CDC42BPA: variants seen among roughly 807,000 people sequenced by gnomAD.
CDC42BPA encodes serine/threonine-protein kinase MRCK alpha.
Under a neutral mutation model 223.5 loss-of-function variants are expected in CDC42BPA, and 80 were observed. That is an observed-to-expected ratio of 0.36 (90% CI 0.30 to 0.43). CDC42BPA has a LOEUF of 0.43. Ranked by LOEUF, CDC42BPA falls within the 20% of genes least tolerant of loss-of-function variation. CDC42BPA has a pLI of 1.00. For synonymous variants in CDC42BPA, 694 were observed against 718.6 expected (o/e 0.97, Z 0.55); for missense variants, 1,743 against 2,099.9 (o/e 0.83, Z 3.32).
At position 227,063,068 on chromosome 1, in the gene CDC42BPA, T is replaced by G. The variant is rs191459090; in HGVS notation, c.2904+6709A>C. Among the ~76,000 whole-genome samples the G allele has an allele frequency of 2.8e-3, 432 of 152,266 alleles. 3 individuals are homozygous for G. The highest frequency in any genetic ancestry group is 4.1e-3 in the Non-Finnish European group (277 of 67,998). On this transcript the variant is annotated intron_variant, in intron 21 of 36. Transcript: ENST00000366766. The stretch of plus-strand genomic sequence containing the variant: ...ACAGCAATGATTTCTTACCAAAGTG[T>G]TTACTTAGAAATTGTCTAATTTTTA...
At chr1:227,294,243 G>A (rs796616819) in intron 1 of CDC42BPA, among the ~76,000 whole-genome samples, 2 of 151,848 alleles carry the variant, frequency 1.3e-5, no homozygotes, top group South Asian at 4.2e-4. Flanking sequence ...CTGCACTCCA[G>A]CCTGGGCGAC....
chr1:227,052,054 A>T, intron 21 of CDC42BPA, 69 bp from the exon 22 acceptor site: 1 of 862,248 alleles, frequency 1.2e-6, no homozygotes, highest in Non-Finnish European at 1.8e-6. Context: ...GGCTTAGCAA[A>T]TTTCTGTAAG....
intron 2 of CDC42BPA, among the ~76,000 whole-genome samples, chr1:227,244,495 G>GGA (rs1015986126): frequency 5.3e-5 from 2 of 37,418 alleles, no homozygotes; most frequent in Admixed American, 1.7e-4. Flanking sequence ...TTCACATGGT[G>GGA]GGGGGGGGCA....
intron 15 of CDC42BPA, among the ~76,000 whole-genome samples, chr1:227,094,658 A>G (rs1045906524): frequency 3.9e-5 from 6 of 152,176 alleles, no homozygotes; most frequent in Non-Finnish European, 7.3e-5. Context: ...AGGTGGGTAA[A>G]TAAAAAATTA....
At chr1:227,069,661 G>C in intron 21 of CDC42BPA, 116 bp downstream of exon 21, 5 of 640,402 alleles carry the variant, frequency 7.8e-6, no homozygotes, top group South Asian at 6.7e-5. Flanking sequence ...GTTTATTTAA[G>C]ATTCTAGGTC....
Position 227,029,151 on chromosome 1 carries a change from C to A in CDC42BPA, c.3938G>T (p.Arg1313Leu). 6.2e-7 allele frequency: 1 copy of A among 1,606,814 alleles called. No homozygotes were observed. Reference sequence around the variant, plus strand: ...ATCCAATGCTGACATAGGAAAAAGTCGTACATGACGATTTCGTCCTGAGAT... The same window carrying A: ...ATCCAATGCTGACATAGGAAAAAGTAGTACATGACGATTTCGTCCTGAGAT... ...AVISGRNRHV[R>L]LFPMSALDGR... The change falls in exon 30 of 37, where the codon CGA (arginine) becomes CTA (leucine). Residue 1313 changes from arginine to leucine, a missense_variant. Transcript: ENST00000366766.
At position 227,005,017 on chromosome 1, in the gene CDC42BPA, C is replaced by T. The variant is rs1483084012; in HGVS notation, c.4952G>A (p.Ser1651Asn). Residue 1651 changes from serine to asparagine, a missense_variant, in exon 35 of 37, where the codon AGT becomes AAT. This residue lies in a region of CDC42BPA where 200 missense variants were observed against 192.8 expected (regional missense o/e 1.04). Transcript: ENST00000366766. ...KSRPEPGRSM[S>N]ASSGLSARSS... ...ACTTGCTGACAAGCCACTGCTAGCACTCATGGAGCGGCCTGGCTCAGGGCG... is the reference window on the plus strand; with the variant it reads ...ACTTGCTGACAAGCCACTGCTAGCATTCATGGAGCGGCCTGGCTCAGGGCG... 6.2e-7 allele frequency: 1 copy of T among 1,613,998 alleles called. No homozygotes were observed. The highest frequency in any genetic ancestry group is 8.5e-7 in the Non-Finnish European group (1 of 1,179,856).
chr1:227,057,614 GCTGA>G (rs1674859322), intron 21 of CDC42BPA, among the ~76,000 whole-genome samples: 1 of 152,108 alleles, frequency 6.6e-6, no homozygotes, highest in Non-Finnish European at 1.5e-5. Context: ...CTTTTCAGTG[GCTGA>G]CTTTTTTTGT....
chr1:227,213,288 T>A, intron 2 of CDC42BPA, 69 bp from the exon 3 acceptor site: 1 of 756,256 alleles, frequency 1.3e-6, no homozygotes, highest in Non-Finnish European at 2.1e-6. Flanking sequence ...TCCATTTTCC[T>A]TTTTCCTCTG....
intron 1 of CDC42BPA, among the ~76,000 whole-genome samples, chr1:227,301,891 T>C (rs1214001912): frequency 2.6e-5 from 4 of 152,314 alleles, no homozygotes; most frequent in South Asian, 2.1e-4. Flanking sequence ...ACTATAACCA[T>C]ATAAGTTATT....
chr1:227,316,497 A>T (rs1694415549), intron 1 of CDC42BPA, among the ~76,000 whole-genome samples: 1 of 152,220 alleles, frequency 6.6e-6, no homozygotes, highest in Non-Finnish European at 1.5e-5. Context: ...CATGTTTAGC[A>T]GTTTCCTTTC....
intron 34 of CDC42BPA, among the ~76,000 whole-genome samples, chr1:227,008,517 G>A (rs1419824971): frequency 1.3e-5 from 2 of 152,152 alleles, no homozygotes; most frequent in Admixed American, 6.5e-5. Context: ...GTCTAGAACT[G>A]GAAACTGAGT....
intron 26 of CDC42BPA, among the ~76,000 whole-genome samples, chr1:227,034,316 T>G (rs74483800): frequency 0.091 from 13,859 of 152,202 alleles, 850 homozygotes; most frequent in Middle Eastern, 0.16. Context: ...TGATTTTTAT[T>G]TTCTTTCCTC....
intron 4 of CDC42BPA, among the ~76,000 whole-genome samples, chr1:227,194,493 C>T (rs886887562): frequency 2.6e-5 from 4 of 152,124 alleles, no homozygotes; most frequent in Non-Finnish European, 4.4e-5. Context: ...ATTTCTAATA[C>T]TGTAAAAATA....
Position 227,047,365 on chromosome 1 carries a change from A to AT in CDC42BPA, c.3093+561dup, listed in dbSNP as rs563206902. ...TTTGTCTTTCTTCTATATCAGTTAT[A>AT]TTTTTTGTATATTTTTTCAGGTCTA... On this transcript the variant is annotated intron_variant, in intron 23 of 36. Coordinates refer to ENST00000366766, the MANE Select transcript of CDC42BPA (RefSeq NM_001394014.1). 4.6e-5 allele frequency among the ~76,000 whole-genome samples: 7 copies of AT among 151,954 alleles called. No individual in the cohort carries two copies. The East Asian group carries it at 1.4e-3, about 29-fold the overall frequency.
intron 10 of CDC42BPA, among the ~76,000 whole-genome samples, chr1:227,130,383 T>C (rs1476574672): frequency 6.6e-6 from 1 of 152,246 alleles, no homozygotes; most frequent in Non-Finnish European, 1.5e-5. Context: ...AGATTGTGCA[T>C]CTGATGTTGA....
intron 16 of CDC42BPA, among the ~76,000 whole-genome samples, chr1:227,087,144 T>A (rs1307201826): frequency 6.6e-6 from 1 of 152,228 alleles, no homozygotes; most frequent in African/African-American, 2.4e-5. Flanking sequence ...GTCATTATCT[T>A]GACATTTTTA....
chr1:227,194,068 CTG>C, intron 4 of CDC42BPA, 134 bp from the exon 5 acceptor site: 1 of 586,668 alleles, frequency 1.7e-6, no homozygotes, highest in South Asian at 3.0e-5. Flanking sequence ...TAACAAGAAA[CTG>C]TGTAAGATGA....
intron 3 of CDC42BPA, among the ~76,000 whole-genome samples, chr1:227,211,727 G>C (rs1673937583): frequency 6.6e-6 from 1 of 151,642 alleles, no homozygotes; most frequent in South Asian, 2.1e-4. Context: ...AGTACACATG[G>C]ACATACAGAG....
Sources: gnomAD v4.1 joint callset for allele counts (sites outside exome capture counted in the v4.1 genomes callset) on GRCh38, gnomAD v4.1.1 for gene constraint, gnomAD v4.1.1 regional missense constraint, MANE v1.5 for transcripts, NCBI Gene and HGNC (gene_info 2026-07-23, HGNC 2026-07-21) for gene names.